Variants in MS4A4A observed in about 807,000 individuals in gnomAD.
MS4A4A encodes the protein membrane-spanning 4-domains subfamily A member 4A.
MS4A4A carries 26 observed loss-of-function variants against 28.0 expected under a neutral mutation model. The ratio of observed to expected loss-of-function variants is 0.93; its 90% CI spans 0.68 to 1.29. The LOEUF is 1.29. Among genes scored for constraint, MS4A4A ranks in the 50% most tolerant of loss-of-function variants. MS4A4A has a pLI of 0.00. For synonymous variants in MS4A4A, 86 were observed against 100.8 expected, an observed-to-expected ratio of 0.85 and a Z score of 0.88; for missense variants, 290 against 293.1, an observed-to-expected ratio of 0.99 and a Z score of 0.08.
intron 5 of MS4A4A, among the ~76,000 whole-genome samples, chr11:60,304,579 C>T (rs2084981316): frequency 6.6e-6 from 1 of 152,204 alleles, no homozygotes; most frequent in South Asian, 2.1e-4. Flanking sequence ...CACAATCAGT[C>T]CACAGGTCTA....
chr11:60,288,027 G>A (rs748466357), intron 1 of MS4A4A, among the ~76,000 whole-genome samples: 13 of 152,144 alleles, frequency 8.5e-5, no homozygotes, highest in Non-Finnish European at 1.6e-4. Context: ...TTAGGTTGGC[G>A]TTGCATGCTA....
intron 5 of MS4A4A, among the ~76,000 whole-genome samples, chr11:60,303,185 A>C (rs528308485): frequency 6.6e-6 from 1 of 152,168 alleles, no homozygotes; most frequent in South Asian, 2.1e-4. Context: ...TTTATCCTCA[A>C]CATCTAGCTC....
chr11:60,304,774 A>C (rs999065146), intron 5 of MS4A4A, among the ~76,000 whole-genome samples: 1 of 152,202 alleles, frequency 6.6e-6, no homozygotes, highest in Non-Finnish European at 1.5e-5. Context: ...CAAAATCTAA[A>C]ATGTACATTA....
intron 1 of MS4A4A, among the ~76,000 whole-genome samples, chr11:60,289,102 T>C (rs567900886): frequency 1.2e-3 from 186 of 152,142 alleles, no homozygotes; most frequent in Non-Finnish European, 2.1e-3. Flanking sequence ...GCCTCAGAGA[T>C]AGAGGTGTGC....
intron 1 of MS4A4A, among the ~76,000 whole-genome samples, chr11:60,291,809 C>CA (rs988717741): frequency 1.5e-5 from 2 of 131,230 alleles, no homozygotes; most frequent in Non-Finnish European, 3.3e-5. Flanking sequence ...AAAAAAAAAA[C>CA]AAAAAAACAA....
At chr11:60,281,066 C>T (rs1453242089) in intron 1 of MS4A4A, among the ~76,000 whole-genome samples, 1 of 152,106 alleles carries the variant, frequency 6.6e-6, no homozygotes, top group African/African-American at 2.4e-5. Flanking sequence ...CTGTTAATGC[C>T]CTTCTTCTGT....
intron 6 of MS4A4A, among the ~76,000 whole-genome samples, chr11:60,306,442 G>A (rs1236123272): frequency 6.6e-6 from 1 of 152,150 alleles, no homozygotes; most frequent in Non-Finnish European, 1.5e-5. Flanking sequence ...CTAATGTGGT[G>A]GAATTCATTT....
Position 60,302,665 on chromosome 11 carries a change from GTAACTAC to G in MS4A4A, c.497_503del (p.Asn166MetfsTer14). On this transcript the variant is annotated frameshift_variant, in exon 5 of 7. Transcript: ENST00000337908. LOFTEE classifies it high-confidence loss of function. ...TTTTATTCATTCCATCACCCTTACT[GTAACTAC>G]TATGGCAACTCAAATAATTGTCATG... is the stretch of plus-strand genomic sequence containing the variant. 6.2e-7 allele frequency: 1 copy of G among 1,613,924 alleles called. No individual in the cohort carries two copies. The highest frequency in any genetic ancestry group is 8.5e-7 in the Non-Finnish European group (1 of 1,179,862).
At chr11:60,299,498 G>A (rs1304651566) in intron 3 of MS4A4A, among the ~76,000 whole-genome samples, 1 of 133,606 alleles carries the variant, frequency 7.5e-6, no homozygotes, top group Admixed American at 8.3e-5. Context: ...TTGAGACAGA[G>A]TTTCGCTCTT....
At position 60,291,570 on chromosome 11, in the gene MS4A4A, C is replaced by T. The variant is rs575109336; in HGVS notation, c.42-655C>T. Among the ~76,000 whole-genome samples, 18 of 151,998 alleles carry T rather than the reference C, an allele frequency of 1.2e-4. 1 individual carries two copies. The highest frequency in any genetic ancestry group is 4.2e-4 in the South Asian group (2 of 4,808). Reference sequence around the variant, plus strand: ...ATTCCAGCACTTTGGGAGGCCGAGGCGGGCGGATCACAAGGTCAGGAGATG... The same window carrying T: ...ATTCCAGCACTTTGGGAGGCCGAGGTGGGCGGATCACAAGGTCAGGAGATG... On this transcript the variant is annotated intron_variant, in intron 1 of 6. Transcript: ENST00000337908.
chr11:60,289,583 GTGTGTGTGTGTA>G (rs1289986358), intron 1 of MS4A4A, among the ~76,000 whole-genome samples: 1,775 of 100,080 alleles, frequency 0.018, 37 homozygotes, highest in African/African-American at 0.055. Flanking sequence ...GAGTGTGTGT[GTGTGTGTGTGTA>G]TGTGTGTGTG....
chr11:60,301,097 G>C (rs781365824), intron 4 of MS4A4A, 40 bp downstream of exon 4: 2 of 1,458,420 alleles, frequency 1.4e-6, no homozygotes, highest in African/African-American at 2.9e-5. Flanking sequence ...AAAAAAGGAA[G>C]GATTAATAAA....
intron 4 of MS4A4A, 120 bp from the exon 5 acceptor site, chr11:60,302,439 T>G: frequency 1.0e-6 from 1 of 1,001,928 alleles, no homozygotes; most frequent in East Asian, 2.6e-5. Flanking sequence ...TAGAAGACTA[T>G]TGAAATAATC....
Position 60,292,523 on chromosome 11 carries a change from T to C in MS4A4A, c.201+139T>C. On this transcript the variant is annotated intron_variant, in intron 2 of 6. Transcript: ENST00000337908. ...CGTCAGTAATTACTTTTCAGGCTCT[T>C]CATCTGAAAAACTATATAGTATTCT... 3.6e-6 allele frequency: 3 copies of C among 827,466 alleles called. No individual in the cohort carries two copies. The South Asian group carries it at 7.4e-5, about 20-fold the overall frequency. 51.3% of individuals were successfully genotyped at this position (827,466 alleles called of 1,614,324 possible).
intron 5 of MS4A4A, among the ~76,000 whole-genome samples, chr11:60,304,241 A>T (rs1016000425): frequency 6.6e-6 from 1 of 152,220 alleles, no homozygotes; most frequent in Non-Finnish European, 1.5e-5. Flanking sequence ...GCACAATGAT[A>T]GAGACAAAAT....
At chr11:60,307,331 A>G (rs1408766325) in intron 6 of MS4A4A, among the ~76,000 whole-genome samples, 1 of 152,202 alleles carries the variant, frequency 6.6e-6, no homozygotes, top group Non-Finnish European at 1.5e-5. Flanking sequence ...GAGATTGACT[A>G]TAGCACATTA....
intron 1 of MS4A4A, among the ~76,000 whole-genome samples, chr11:60,288,178 C>A (rs10897024): frequency 0.38 from 57,417 of 152,162 alleles, 12,414 homozygotes; most frequent in Non-Finnish European, 0.45. Context: ...TGAAGTGGCT[C>A]CACTCCCATA....
chr11:60,282,566 G>A, intron 1 of MS4A4A: 1 of 1,280,656 alleles, frequency 7.8e-7, no homozygotes, highest in Non-Finnish European at 1.0e-6. Flanking sequence ...ATTAGATGAT[G>A]TGGTGGGTTT....
At chr11:60,305,983 G>A in intron 5 of MS4A4A, 117 bp from the exon 6 acceptor site, 1 of 758,776 alleles carries the variant, frequency 1.3e-6, no homozygotes. Context: ...GCCATTGGGA[G>A]GCAGGTTTCC....
Sources: allele counts gnomAD v4.1 joint callset (sites outside exome capture counted in the v4.1 genomes callset), GRCh38; gene constraint gnomAD v4.1.1; transcripts MANE v1.5; gene names NCBI Gene and HGNC (gene_info 2026-07-23, HGNC 2026-07-21).